ARHGAP6: variants seen among roughly 807,000 people sequenced by gnomAD.
ARHGAP6 encodes the protein Rho GTPase activating protein 6.
Under a neutral mutation model 55.7 loss-of-function variants are expected in ARHGAP6, and 16 were observed. The ratio of observed to expected loss-of-function variants is 0.29; its 90% CI spans 0.19 to 0.44. ARHGAP6 has a LOEUF of 0.44. Among genes scored for constraint, ARHGAP6 ranks in the 20% least tolerant of loss-of-function variants. The pLI is 1.00. For synonymous variants in ARHGAP6, 382 were observed against 360.9 expected (o/e 1.06, Z -0.66); for missense variants, 698 against 808.9 (o/e 0.86, Z 1.66).
At chrX:11,342,183 G>A (rs924695967) in intron 1 of ARHGAP6, among the ~76,000 whole-genome samples, 3 of 111,843 alleles carry the variant, frequency 2.7e-5, no homozygotes, top group Non-Finnish European at 3.8e-5. Context: ...AGAAGTATGC[G>A]AATAGGTACA....
At chrX:11,495,422 A>T (rs1236793016) in intron 1 of ARHGAP6, among the ~76,000 whole-genome samples, 1 of 112,299 alleles carries the variant, frequency 8.9e-6, no homozygotes, top group Non-Finnish European at 1.9e-5. Flanking sequence ...GACTTTTGGG[A>T]AAGGTTTTTT....
At chrX:11,223,207 C>G (rs2147420900) in intron 2 of ARHGAP6, 1 of 161,701 alleles carries the variant, frequency 6.2e-6, no homozygotes, top group South Asian at 1.1e-4. Flanking sequence ...GAAAGCGTTG[C>G]AAAAGCTTGC....
intron 2 of ARHGAP6, among the ~76,000 whole-genome samples, chrX:11,250,591 G>A (rs2047410718): frequency 9.0e-6 from 1 of 111,539 alleles, no homozygotes; most frequent in East Asian, 2.8e-4. Flanking sequence ...CTAGCTTGTA[G>A]AGGCCATCTG....
chrX:11,427,932 G>A (rs2049905357), intron 1 of ARHGAP6: 1 of 381,870 alleles, frequency 2.6e-6, no homozygotes, highest in Non-Finnish European at 3.4e-6. Flanking sequence ...CCCTCCGGCG[G>A]CCGCCGCCGC....
intron 5 of ARHGAP6, among the ~76,000 whole-genome samples, chrX:11,182,635 C>CTTTT (rs1043810466): frequency 1.2e-5 from 1 of 83,131 alleles, no homozygotes; most frequent in Non-Finnish European, 2.4e-5. Context: ...TTCCTTTTTT[C>CTTTT]TTTTTTTTTT....
At chrX:11,242,843 C>T (rs2047302614) in intron 2 of ARHGAP6, among the ~76,000 whole-genome samples, 1 of 111,391 alleles carries the variant, frequency 9.0e-6, no homozygotes, top group South Asian at 3.8e-4. Context: ...CTTGGAAATG[C>T]CTAGAATTTC....
At chrX:11,343,106 A>G (rs751026067) in intron 1 of ARHGAP6, among the ~76,000 whole-genome samples, 3 of 112,738 alleles carry the variant, frequency 2.7e-5, no homozygotes, top group African/African-American at 9.7e-5. Context: ...TTCCATGAGC[A>G]TATGTTAATG....
intron 1 of ARHGAP6, among the ~76,000 whole-genome samples, chrX:11,394,810 C>T (rs1441468580): frequency 9.0e-6 from 1 of 111,648 alleles, no homozygotes; most frequent in Non-Finnish European, 1.9e-5. Context: ...ACACACCAGA[C>T]TTCTAAGAAA....
chrX:11,315,096 C>G (rs1022220389), intron 1 of ARHGAP6, among the ~76,000 whole-genome samples: 1 of 112,300 alleles, frequency 8.9e-6, no homozygotes, highest in African/African-American at 3.2e-5. Context: ...ATTTCTCACC[C>G]TGGAGGGGCA....
chrX:11,311,601 C>A (rs1490200602), intron 1 of ARHGAP6, among the ~76,000 whole-genome samples: 2 of 111,738 alleles, frequency 1.8e-5, no homozygotes, highest in Admixed American at 1.9e-4. Context: ...AACCTTTAAA[C>A]CCTTGAAAGT....
At chrX:11,354,266 GCTCTCTCT>G (rs1182351194) in intron 1 of ARHGAP6, among the ~76,000 whole-genome samples, 3 of 73,157 alleles carry the variant, frequency 4.1e-5, no homozygotes, top group African/African-American at 5.5e-5. Context: ...CATGGAAAGA[GCTCTCTCT>G]CTCTCTCTCT....
At chrX:11,309,560 G>A (rs1317037098) in intron 1 of ARHGAP6, among the ~76,000 whole-genome samples, 2 of 111,340 alleles carry the variant, frequency 1.8e-5, no homozygotes, top group African/African-American at 6.6e-5. Context: ...AGGAAGAAAA[G>A]TGTAAAAGTT....
chrX:11,297,826 A>C (rs2048111523), intron 1 of ARHGAP6, among the ~76,000 whole-genome samples: 1 of 112,373 alleles, frequency 8.9e-6, no homozygotes, highest in Admixed American at 9.4e-5. Flanking sequence ...AAATGAAATT[A>C]ACATCATGTC....
chrX:11,288,745 T>C lies in ARHGAP6; in HGVS notation c.589-34038A>G, dbSNP rs774154801. The stretch of plus-strand genomic sequence containing the variant: ...CCTATTCTTGGCATTTCCTATACAG[T>C]CATACAGTATATGGTATTTTATGAC... On this transcript the variant is annotated intron_variant, in intron 1 of 12. Coordinates refer to ENST00000337414, the MANE Select transcript of ARHGAP6 (RefSeq NM_013427.3). 4.5e-5 allele frequency among the ~76,000 whole-genome samples: 5 copies of C among 112,184 alleles called. No homozygotes were observed. In the East Asian group the frequency reaches 1.1e-3, roughly 25 times the overall value.
At chrX:11,622,930 T>A (rs2052247175) in intron 1 of ARHGAP6, among the ~76,000 whole-genome samples, 1 of 111,743 alleles carries the variant, frequency 8.9e-6, no homozygotes, top group Non-Finnish European at 1.9e-5. Flanking sequence ...ATCTTAATAT[T>A]TATAAGTCAA....
rs2045568921 is a variant in ARHGAP6, at chrX:11,137,950, C to T, written c.*913G>A. On this transcript the variant is annotated 3_prime_UTR_variant, in exon 13 of 13. Coordinates refer to ENST00000337414, the MANE Select transcript of ARHGAP6 (RefSeq NM_013427.3). ...ATGGGGCAAAGGGAAAAAACATGTT[C>T]TATAATTTGAATATTCTGTGTAGAT... 1 of 111,887 alleles carries T rather than the reference C, an allele frequency of 8.9e-6. No individual in the cohort carries two copies. Among genetic ancestry groups the T allele is most frequent in the African/African-American group, 3.2e-5 (1 of 30,795 alleles). The allele number at this position is 111,887 out of a possible 1,213,427, so 9.2% of individuals were successfully genotyped here. A position where few individuals can be genotyped will look rare whatever the true frequency, so the allele number is the denominator to read the frequency against.
intron 1 of ARHGAP6, among the ~76,000 whole-genome samples, chrX:11,511,374 C>T (rs1212586827): frequency 3.6e-5 from 4 of 111,991 alleles, no homozygotes; most frequent in African/African-American, 9.7e-5. Context: ...GACTTTATAC[C>T]GATTGATACT....
rs778159006 is a variant in ARHGAP6 at position 11,582,800 on chromosome X, ATTAG to A, written c.588+81437_588+81440del. On this transcript the variant is annotated intron_variant, in intron 1 of 12. Transcript: ENST00000337414. ...TAACTGTGAGGTAATAGACATGATA[ATTAG>A]TTTGATTGTAATAATCATTTCAGAG... is the stretch of plus-strand genomic sequence containing the variant. Among the ~76,000 whole-genome samples the A allele has an allele frequency of 5.4e-5, 6 of 111,613 alleles. No individual in the cohort carries two copies. The East Asian group carries it at 1.7e-3, about 31-fold the overall frequency.
At chrX:11,261,329 T>C (rs2047559013) in intron 1 of ARHGAP6, among the ~76,000 whole-genome samples, 1 of 111,186 alleles carries the variant, frequency 9.0e-6, no homozygotes, top group Non-Finnish European at 1.9e-5. Flanking sequence ...ACAAAGGTCA[T>C]AGTCTCCCTT....
Sources: gnomAD v4.1 joint callset for allele counts (sites outside exome capture counted in the v4.1 genomes callset) on GRCh38, gnomAD v4.1.1 for gene constraint, MANE v1.5 for transcripts, NCBI Gene and HGNC (gene_info 2026-07-23, HGNC 2026-07-21) for gene names.